CD247: variants seen among roughly 807,000 people sequenced by gnomAD.
CD247 encodes T-cell surface glycoprotein CD3 zeta chain.
CD247 carries 13 observed loss-of-function variants against 30.0 expected under a neutral mutation model. The observed-to-expected ratio is 0.43, with a 90% CI of 0.28 to 0.69. The LOEUF is 0.69. CD247 is among the 30% of genes least tolerant of loss of function. The pLI is 0.16. For missense variants in CD247, 193 were observed against 212.6 expected, an observed-to-expected ratio of 0.91 and a Z score of 0.57; for synonymous variants, 72 against 80.0, an observed-to-expected ratio of 0.90 and a Z score of 0.53.
rs191822903 is a variant in CD247 at position 167,445,705 on chromosome 1, C to G, written c.59-4938G>C. 9.9e-4 allele frequency among the ~76,000 whole-genome samples: 150 copies of G among 152,208 alleles called. 2 individuals carry two copies. The East Asian group carries it at 0.025, about 25-fold the overall frequency. ...TGAATTGCGTTGTTTGTCTGTCTGT[C>G]TCTGAGCCAGACTATGAACTTCTGC... On this transcript the variant is annotated intron_variant, in intron 1 of 7. Transcript: ENST00000362089.
In CD247 at chr1:167,473,785, C is replaced by T. The variant is rs1040561319; in HGVS notation, c.59-33018G>A. On this transcript the variant is annotated intron_variant, in intron 1 of 7. Coordinates refer to ENST00000362089, the MANE Select transcript of CD247 (RefSeq NM_198053.3). ...AGGAGCTCTCACTGTGAAGGGGAAC[C>T]CCTTCTTGCACATTGCAGCCCCTCA... is the stretch of plus-strand genomic sequence containing the variant. 5.3e-5 allele frequency among the ~76,000 whole-genome samples: 8 copies of T among 152,170 alleles called. 1 individual carries two copies. The highest frequency in any genetic ancestry group is 4.6e-4 in the Admixed American group (7 of 15,278).
At chr1:167,477,624 G>T (rs896180157) in intron 1 of CD247, among the ~76,000 whole-genome samples, 1 of 152,130 alleles carries the variant, frequency 6.6e-6, no homozygotes, top group Non-Finnish European at 1.5e-5. Flanking sequence ...TGACCTCCTG[G>T]GCTCAAGTGA....
rs916878824 is a variant in CD247 at position 167,433,183 on chromosome 1, C to A, written c.394-124G>T. 4 of 926,996 alleles carry A rather than the reference C, an allele frequency of 4.3e-6. No individual in the cohort carries two copies. In the African/African-American group the frequency reaches 6.5e-5, roughly 15 times the overall value. 57.4% of individuals were successfully genotyped at this position (926,996 alleles called of 1,614,324 possible). A position where few individuals can be genotyped will look rare whatever the true frequency, so the allele number is the denominator to read the frequency against. Reference sequence around the variant, plus strand: ...AGAGGTAACTGTCTCCCAGCAGCACCCCTGCCCCTGGGAGAGAAGGATCCT... The same window carrying A: ...AGAGGTAACTGTCTCCCAGCAGCACACCTGCCCCTGGGAGAGAAGGATCCT... On this transcript the variant is annotated intron_variant, in intron 6 of 7. Coordinates refer to ENST00000362089, the MANE Select transcript of CD247 (RefSeq NM_198053.3).
At chr1:167,439,228 G>T in intron 3 of CD247, 116 bp downstream of exon 3, 1 of 889,946 alleles carries the variant, frequency 1.1e-6, no homozygotes, top group Non-Finnish European at 1.9e-6. Context: ...CAGCCGGGTC[G>T]CAGAGGTGAT....
At chr1:167,462,654 G>A (rs933943628) in intron 1 of CD247, among the ~76,000 whole-genome samples, 4 of 152,178 alleles carry the variant, frequency 2.6e-5, no homozygotes, top group African/African-American at 4.8e-5. Context: ...CAGGGTTCCC[G>A]CCGCTGGGCC....
chr1:167,448,439 T>C, intron 1 of CD247: 2 of 985,430 alleles, frequency 2.0e-6, no homozygotes, highest in African/African-American at 1.7e-5. Flanking sequence ...GCAGGTCATA[T>C]TCTTGACTCT....
intron 2 of CD247, chr1:167,439,684 C>T: frequency 3.9e-6 from 2 of 507,140 alleles, no homozygotes; most frequent in Admixed American, 6.5e-5. Context: ...CTCGCGCGTG[C>T]GCAGAGGTAT....
At chr1:167,514,556 G>A (rs1323133095) in intron 1 of CD247, among the ~76,000 whole-genome samples, 2 of 152,134 alleles carry the variant, frequency 1.3e-5, no homozygotes, top group Non-Finnish European at 2.9e-5. Context: ...CTATGTACAT[G>A]CGCTGACTAA....
At chr1:167,449,575 G>T (rs1459534901) in intron 1 of CD247, among the ~76,000 whole-genome samples, 1 of 152,158 alleles carries the variant, frequency 6.6e-6, no homozygotes, top group Non-Finnish European at 1.5e-5. Context: ...TTAATATGAT[G>T]GCAGATGGCT....
chr1:167,461,217 A>T (rs902692246), intron 1 of CD247, among the ~76,000 whole-genome samples: 1 of 152,212 alleles, frequency 6.6e-6, no homozygotes, highest in East Asian at 1.9e-4. Flanking sequence ...GCCCCTAGGC[A>T]TGTCACCTCT....
At chr1:167,493,502 G>T (rs1654542367) in intron 1 of CD247, among the ~76,000 whole-genome samples, 1 of 152,176 alleles carries the variant, frequency 6.6e-6, no homozygotes, top group Admixed American at 6.5e-5. Flanking sequence ...GCTGAGGGCT[G>T]ACATTCATTG....
intron 1 of CD247, among the ~76,000 whole-genome samples, chr1:167,486,529 A>G (rs979590033): frequency 1.3e-5 from 2 of 152,266 alleles, no homozygotes; most frequent in Non-Finnish European, 2.9e-5. Context: ...CCTCAGGCCC[A>G]GCCGCCGGTC....
intron 1 of CD247, among the ~76,000 whole-genome samples, chr1:167,474,873 C>A (rs1226348280): frequency 6.6e-6 from 1 of 151,638 alleles, no homozygotes; most frequent in African/African-American, 2.4e-5. Flanking sequence ...CTGCCTCAGC[C>A]TCCCGAGTAG....
Position 167,441,534 on chromosome 1 carries a change from C to G in CD247, c.59-767G>C, listed in dbSNP as rs1651832308. Among the ~76,000 whole-genome samples, 2 of 152,214 alleles carry G rather than the reference C, an allele frequency of 1.3e-5. 1 individual carries two copies. Among genetic ancestry groups the G allele is most frequent in the South Asian group, 4.1e-4 (2 of 4,830 alleles). The stretch of plus-strand genomic sequence containing the variant: ...CCAGGACACGCCTTGCTCTTCCAGA[C>G]TATTTGCCCTGTGCCTTGCACTCTC... On this transcript the variant is annotated intron_variant, in intron 1 of 7. Transcript: ENST00000362089.
intron 1 of CD247, among the ~76,000 whole-genome samples, chr1:167,517,879 C>T (rs951167761): frequency 2.0e-5 from 3 of 152,208 alleles, no homozygotes; most frequent in Non-Finnish European, 2.9e-5. Context: ...TCCTTGGTTA[C>T]CCCACTTACT....
At chr1:167,450,438 G>A (rs1230810320) in intron 1 of CD247, among the ~76,000 whole-genome samples, 3 of 152,066 alleles carry the variant, frequency 2.0e-5, no homozygotes, top group South Asian at 4.1e-4. Flanking sequence ...AAACTGCAGT[G>A]AGCCCTGACC....
chr1:167,439,527 G>A, intron 2 of CD247, 127 bp from the exon 3 acceptor site: 1 of 795,596 alleles, frequency 1.3e-6, no homozygotes, highest in Non-Finnish European at 2.2e-6. Flanking sequence ...ATGCTGCCCT[G>A]CCTCCTGGGG....
At chr1:167,486,010 G>A (rs1476509427) in intron 1 of CD247, among the ~76,000 whole-genome samples, 14 of 152,034 alleles carry the variant, frequency 9.2e-5, no homozygotes, top group Admixed American at 8.5e-4. Flanking sequence ...CTCCTTCCAC[G>A]GCCCCCACTG....
intron 1 of CD247, among the ~76,000 whole-genome samples, chr1:167,471,515 A>G (rs1007828424): frequency 6.6e-6 from 1 of 152,224 alleles, no homozygotes. Flanking sequence ...TTTGAATAGT[A>G]GCAATGTTGA....
Sources: allele counts gnomAD v4.1 joint callset (sites outside exome capture counted in the v4.1 genomes callset), GRCh38; gene constraint gnomAD v4.1.1; transcripts MANE v1.5; gene names NCBI Gene and HGNC (gene_info 2026-07-23, HGNC 2026-07-21).